The following STAU1 variants were observed in gnomAD, a reference collection of about 807,000 sequenced individuals.
The protein encoded by STAU1 is double-stranded RNA-binding protein Staufen homolog 1.
In STAU1, 13 loss-of-function variants were observed where a neutral mutation model predicts 62.9. The observed-to-expected ratio is 0.21, with a 90% CI of 0.13 to 0.33. The LOEUF (loss-of-function observed/expected upper bound fraction) is 0.33, where lower values mean the gene tolerates loss of function less well. STAU1 is among the 10% of genes least tolerant of loss of function. The pLI is 1.00. For missense variants in STAU1, 571 were observed against 712.1 expected, an observed-to-expected ratio of 0.80 and a Z score of 2.25; for synonymous variants, 269 against 265.1, an observed-to-expected ratio of 1.01 and a Z score of -0.14.
intron 1 of STAU1, among the ~76,000 whole-genome samples, chr20:49,185,494 G>A (rs941482845): frequency 6.6e-5 from 10 of 152,190 alleles, no homozygotes; most frequent in African/African-American, 2.2e-4. Flanking sequence ...ACAGAGAAGG[G>A]AAGCCCAACA....
chr20:49,180,468 C>T (rs2093711631), intron 1 of STAU1, among the ~76,000 whole-genome samples: 1 of 152,110 alleles, frequency 6.6e-6, no homozygotes, highest in Admixed American at 6.6e-5. Context: ...GGATTACAGG[C>T]ACGTACCACC....
At chr20:49,218,333 TC>T in the STAU1 span, among the ~76,000 whole-genome samples, 1 of 151,090 alleles carries the variant, frequency 6.6e-6, no homozygotes, top group Non-Finnish European at 1.5e-5. Context: ...CACACCATTC[TC>T]CTGCCTCAGC....
chr20:49,119,380 G>C (rs969245009), intron 9 of STAU1, among the ~76,000 whole-genome samples: 1 of 152,080 alleles, frequency 6.6e-6, no homozygotes, highest in Non-Finnish European at 1.5e-5. Flanking sequence ...GTTTCATCAT[G>C]TTGCTCAGAC....
chr20:49,165,660 C>T (rs572857624), intron 3 of STAU1, among the ~76,000 whole-genome samples: 70 of 152,200 alleles, frequency 4.6e-4, no homozygotes, highest in Admixed American at 1.0e-3. Flanking sequence ...ATTTTAAATG[C>T]AGAATTATCC....
At chr20:49,170,949 G>A (rs1292329739) in intron 2 of STAU1, among the ~76,000 whole-genome samples, 1 of 152,188 alleles carries the variant, frequency 6.6e-6, no homozygotes. Context: ...GTGCCTCGCT[G>A]TTATAAAGCA....
At chr20:49,126,588 C>CAAAAAAA in intron 6 of STAU1, among the ~76,000 whole-genome samples, 4 of 56,346 alleles carry the variant, frequency 7.1e-5, no homozygotes, top group African/African-American at 1.9e-4. Context: ...AAAAAAAAAA[C>CAAAAAAA]AAAAAAAAAA....
chr20:49,116,162 A>G (rs890646526), intron 12 of STAU1, among the ~76,000 whole-genome samples: 4 of 152,100 alleles, frequency 2.6e-5, no homozygotes, highest in Non-Finnish European at 5.9e-5. Flanking sequence ...ACAAAAATCT[A>G]TCATGTATTT....
intron 5 of STAU1, among the ~76,000 whole-genome samples, chr20:49,143,844 G>A (rs2093063199): frequency 6.6e-6 from 1 of 152,064 alleles, no homozygotes; most frequent in African/African-American, 2.4e-5. Context: ...AATTTGGAAG[G>A]CATATATACC....
chr20:49,189,656 C>A (rs1001095320), upstream of STAU1, among the ~76,000 whole-genome samples: 44 of 147,336 alleles, frequency 3.0e-4, no homozygotes, highest in African/African-American at 1.1e-3. Context: ...TCTTGAACTT[C>A]TGCACACTCA....
chr20:49,183,197 G>T (rs1377821708), intron 1 of STAU1, among the ~76,000 whole-genome samples: 1 of 152,170 alleles, frequency 6.6e-6, no homozygotes, highest in Non-Finnish European at 1.5e-5. Context: ...TATAGGTCTA[G>T]TGTGAAACAA....
At chr20:49,164,922 T>C (rs545855040) in intron 3 of STAU1, among the ~76,000 whole-genome samples, 1 of 152,360 alleles carries the variant, frequency 6.6e-6, no homozygotes, top group African/African-American at 2.4e-5. Flanking sequence ...AATGTCAATG[T>C]ACTTTTTTGC....
intron 5 of STAU1, among the ~76,000 whole-genome samples, chr20:49,145,623 G>A (rs1368871976): frequency 6.6e-6 from 1 of 151,646 alleles, no homozygotes; most frequent in East Asian, 1.9e-4. Context: ...CCAGCTACTC[G>A]GGAGGCTATG....
intron 6 of STAU1, among the ~76,000 whole-genome samples, chr20:49,135,616 T>C (rs1344218711): frequency 6.6e-6 from 1 of 152,134 alleles, no homozygotes; most frequent in Non-Finnish European, 1.5e-5. Flanking sequence ...ACTGAAGCCA[T>C]CATGAACTCT....
chr20:49,213,473 C>T, the STAU1 span, among the ~76,000 whole-genome samples: 1 of 152,178 alleles, frequency 6.6e-6, no homozygotes, highest in Admixed American at 6.5e-5. Flanking sequence ...CGTGATCCAC[C>T]TGCCTCGGGC....
chr20:49,156,911 T>C (rs1212592261), intron 3 of STAU1, among the ~76,000 whole-genome samples: 2 of 151,460 alleles, frequency 1.3e-5, no homozygotes, highest in Non-Finnish European at 2.9e-5. Flanking sequence ...ACAGTCTCAC[T>C]CTGTCCCCAG....
chr20:49,116,358 G>A (rs537793582), intron 12 of STAU1, among the ~76,000 whole-genome samples: 55 of 151,850 alleles, frequency 3.6e-4, no homozygotes, highest in Non-Finnish European at 7.4e-4. Context: ...GTTTTGAAAC[G>A]CAGTCTCACC....
the STAU1 span, among the ~76,000 whole-genome samples, chr20:49,214,202 A>C: frequency 6.7e-6 from 1 of 149,508 alleles, no homozygotes; most frequent in African/African-American, 2.5e-5. Flanking sequence ...ACAGAGCTAG[A>C]CTCTATCACA....
chr20:49,119,524 A>C (rs908683237), intron 9 of STAU1, among the ~76,000 whole-genome samples: 10 of 152,198 alleles, frequency 6.6e-5, no homozygotes, highest in Admixed American at 1.3e-4. Flanking sequence ...AAGAAATCCC[A>C]AACCTAAACT....
chr20:49,219,107 A>G, the STAU1 span, among the ~76,000 whole-genome samples: 1 of 151,408 alleles, frequency 6.6e-6, no homozygotes, highest in Admixed American at 6.6e-5. Context: ...ATTTTCTTCC[A>G]CAGCTTTTTT....
Sources: allele counts gnomAD v4.1 joint callset (sites outside exome capture counted in the v4.1 genomes callset), GRCh38; gene constraint gnomAD v4.1.1; transcripts MANE v1.5; gene names NCBI Gene and HGNC (gene_info 2026-07-23, HGNC 2026-07-21).